The following PLCG2 variants were observed in gnomAD, a reference collection of about 807,000 sequenced individuals.
The protein encoded by PLCG2 is phospholipase C gamma 2, also known as 1-phosphatidylinositol 4,5-bisphosphate phosphodiesterase gamma-2.
Under a neutral mutation model 175.6 loss-of-function variants are expected in PLCG2, and 69 were observed. That is an observed-to-expected ratio of 0.39 (90% CI 0.32 to 0.48). The LOEUF (loss-of-function observed/expected upper bound fraction) is 0.48, where lower values mean the gene tolerates loss of function less well. PLCG2 is among the 20% of genes least tolerant of loss of function. The probability of loss-of-function intolerance (pLI) is 0.91; values close to 1 mark genes in which losing one functional copy is unlikely to be tolerated. For missense variants in PLCG2, 1,798 were observed against 1,650.9 expected, an observed-to-expected ratio of 1.09 and a Z score of -1.54; for synonymous variants, 827 against 624.0, an observed-to-expected ratio of 1.33 and a Z score of -4.85.
intron 2 of PLCG2, among the ~76,000 whole-genome samples, chr16:81,770,533 T>C (rs1410333193): frequency 6.6e-6 from 1 of 151,862 alleles, no homozygotes; most frequent in Non-Finnish European, 1.5e-5. Flanking sequence ...GGTAACACGA[T>C]GAAACCTTGT....
chr16:81,771,614 G>A (rs1910282838), intron 2 of PLCG2, among the ~76,000 whole-genome samples: 1 of 152,072 alleles, frequency 6.6e-6, no homozygotes, highest in Admixed American at 6.6e-5. Context: ...TCCCCATTGA[G>A]AGGTAAATAG....
chr16:81,877,715 C>T (rs1907869580), intron 7 of PLCG2, among the ~76,000 whole-genome samples: 1 of 151,848 alleles, frequency 6.6e-6, no homozygotes, highest in South Asian at 2.1e-4. Context: ...CTTTGGTGTG[C>T]AGACACCATC....
At chr16:81,916,897 C>G (rs1474100074) in intron 19 of PLCG2, among the ~76,000 whole-genome samples, 4 of 152,212 alleles carry the variant, frequency 2.6e-5, no homozygotes, top group African/African-American at 4.8e-5. Flanking sequence ...CTTGGCCTCC[C>G]AAAGTGCTGG....
At chr16:81,753,342 GTTTTTTTTTTTTTTT>G (rs34438350) in intron 1 of PLCG2, among the ~76,000 whole-genome samples, 1 of 91,124 alleles carries the variant, frequency 1.1e-5, no homozygotes, top group Non-Finnish European at 2.1e-5. Flanking sequence ...GTCCTGGCAG[GTTTTTTTTTTTTTTT>G]TTTTTTTTTG....
In PLCG2 at chr16:81,919,538, G is replaced by T; in HGVS notation, c.2109G>T (p.Val703=). Residue 703 remains valine, a synonymous_variant, in exon 20 of 33, where the codon GTG becomes GTT. Coordinates refer to ENST00000564138, the MANE Select transcript of PLCG2 (RefSeq NM_002661.5). ...CRINRDGRHF[V]LGTSAYFESL... Reference sequence around the variant, plus strand: ...TCAACCGGGACGGCCGGCACTTTGTGCTGGGGACCTCCGCCTATTTTGAGA... The same window carrying T: ...TCAACCGGGACGGCCGGCACTTTGTTCTGGGGACCTCCGCCTATTTTGAGA... 6.2e-7 allele frequency: 1 copy of T among 1,614,194 alleles called. No homozygotes were observed.
chr16:81,772,046 G>T (rs779783495), intron 2 of PLCG2, among the ~76,000 whole-genome samples: 1 of 152,138 alleles, frequency 6.6e-6, no homozygotes, highest in Non-Finnish European at 1.5e-5. Context: ...GCTTCCCAAA[G>T]TGCTGGGATT....
intron 31 of PLCG2, among the ~76,000 whole-genome samples, chr16:81,950,673 C>G (rs1464384311): frequency 2.6e-5 from 4 of 152,238 alleles, no homozygotes; most frequent in East Asian, 1.9e-4. Context: ...TTGGCTGTAA[C>G]TGGACTAGAT....
intron 1 of PLCG2, among the ~76,000 whole-genome samples, chr16:81,783,290 C>CT (rs943826890): frequency 6.6e-6 from 1 of 152,116 alleles, no homozygotes; most frequent in African/African-American, 2.4e-5. Context: ...GTTTCAGCTA[C>CT]TTTTTTAAAA....
chr16:81,775,595 G>T (rs1373953080), upstream of PLCG2, among the ~76,000 whole-genome samples: 1 of 152,160 alleles, frequency 6.6e-6, no homozygotes, highest in East Asian at 1.9e-4. Context: ...TGAGGAAACT[G>T]ATACCCAGAG....
At chr16:81,918,535 T>G (rs1909935226) in intron 19 of PLCG2, among the ~76,000 whole-genome samples, 1 of 152,248 alleles carries the variant, frequency 6.6e-6, no homozygotes, top group South Asian at 2.1e-4. Context: ...TCTAGACATC[T>G]TTATTGAAGA....
At chr16:81,857,898 A>G (rs1405930471) in intron 3 of PLCG2, 1 of 204,118 alleles carries the variant, frequency 4.9e-6, no homozygotes, top group Admixed American at 5.1e-5. Context: ...TGGGATCAAT[A>G]TAGGAAAAAC....
intron 25 of PLCG2, among the ~76,000 whole-genome samples, chr16:81,932,258 A>AG (rs35408572): frequency 0.56 from 84,893 of 152,024 alleles, 24,916 homozygotes; most frequent in East Asian, 0.81. Context: ...GCATCCTGGC[A>AG]GGGCTGGACC....
At chr16:81,811,890 T>C (rs1264132850) in intron 2 of PLCG2, among the ~76,000 whole-genome samples, 1 of 152,138 alleles carries the variant, frequency 6.6e-6, no homozygotes, top group Non-Finnish European at 1.5e-5. Context: ...TACCCAGTAA[T>C]AGGATTGCTG....
At chr16:81,810,307 C>T (rs183290593) in intron 2 of PLCG2, among the ~76,000 whole-genome samples, 27 of 152,356 alleles carry the variant, frequency 1.8e-4, no homozygotes, top group Admixed American at 2.6e-4. Flanking sequence ...CTATCCCAGA[C>T]GACTCTAGTC....
intron 1 of PLCG2, among the ~76,000 whole-genome samples, chr16:81,747,243 A>G (rs1458002818): frequency 1.3e-5 from 2 of 152,208 alleles, no homozygotes; most frequent in Admixed American, 6.5e-5. Flanking sequence ...AAGTTTAAGA[A>G]TATTAATGGG....
chr16:81,956,007 T>G (rs1480247829), intron 31 of PLCG2, among the ~76,000 whole-genome samples: 2 of 152,220 alleles, frequency 1.3e-5, no homozygotes, highest in Non-Finnish European at 2.9e-5. Context: ...CAATCAATTT[T>G]AGAACATTTC....
intron 11 of PLCG2, 125 bp downstream of exon 11, chr16:81,891,715 C>G (rs181588282): frequency 3.2e-6 from 2 of 617,940 alleles, no homozygotes; most frequent in Non-Finnish European, 5.9e-6. Flanking sequence ...GCACCGCATT[C>G]CTTGGACTAA....
At chr16:81,795,828 G>T (rs1008967150) in intron 2 of PLCG2, among the ~76,000 whole-genome samples, 1 of 152,180 alleles carries the variant, frequency 6.6e-6, no homozygotes, top group Admixed American at 6.5e-5. Flanking sequence ...GCCTCCCAAA[G>T]AGCTGGGATC....
intron 19 of PLCG2, among the ~76,000 whole-genome samples, chr16:81,918,848 A>G (rs1196030093): frequency 6.6e-6 from 1 of 151,696 alleles, no homozygotes; most frequent in Non-Finnish European, 1.5e-5. Context: ...TCTGTTTTGG[A>G]TTTTTTCTGC....
Sources: allele counts gnomAD v4.1 joint callset (sites outside exome capture counted in the v4.1 genomes callset), GRCh38; gene constraint gnomAD v4.1.1; transcripts MANE v1.5; gene names NCBI Gene and HGNC (gene_info 2026-07-23, HGNC 2026-07-21).